PPP2CB: variants seen among roughly 807,000 people sequenced by gnomAD.
PPP2CB encodes the protein protein phosphatase 2 catalytic subunit beta.
A neutral mutation model predicts 39.1 loss-of-function variants in PPP2CB; 18 were observed. The observed-to-expected ratio is 0.46, with a 90% CI of 0.32 to 0.68. PPP2CB has a LOEUF of 0.68. Ranked by LOEUF, PPP2CB falls within the 30% of genes least tolerant of loss-of-function variation. The probability of loss-of-function intolerance (pLI) is 0.04; values close to 1 mark genes in which losing one functional copy is unlikely to be tolerated. For missense variants in PPP2CB, 226 were observed against 396.9 expected (o/e 0.57, Z 3.66); for synonymous variants, 129 against 133.8 (o/e 0.96, Z 0.25).
Position 30,799,588 on chromosome 8 carries a change from T to C in PPP2CB, c.270A>G (p.Gly90=). Residue 90 remains glycine (G), a synonymous_variant, in exon 2 of 7, where the codon GGA becomes GGG. Coordinates refer to ENST00000221138, the MANE Select transcript of PPP2CB (RefSeq NM_001009552.2). ...GAGTCACAGTCTCCACTGAATAATA[T>C]CCTCTGTCTACATAGTCACCCATGA... ...YLFMGDYVDR[G]YYSVETVTLL... is the part of the protein sequence containing the mutation. 1 of 1,613,908 alleles carries C rather than the reference T, an allele frequency of 6.2e-7. No individual in the cohort carries two copies. Among genetic ancestry groups the C allele is most frequent in the Non-Finnish European group, 8.5e-7 (1 of 1,179,842 alleles).
At chr8:30,806,829 T>C (rs779877394) in intron 1 of PPP2CB, among the ~76,000 whole-genome samples, 5 of 152,220 alleles carry the variant, frequency 3.3e-5, no homozygotes, top group Admixed American at 1.3e-4. Context: ...AAATTTTACA[T>C]TGCAAATATC....
intron 6 of PPP2CB, among the ~76,000 whole-genome samples, chr8:30,790,694 G>A (rs1292923627): frequency 3.9e-5 from 6 of 152,184 alleles, no homozygotes; most frequent in Non-Finnish European, 8.8e-5. Context: ...AGGGAAGGGG[G>A]CCTCAGCCTG....
intron 5 of PPP2CB, among the ~76,000 whole-genome samples, chr8:30,792,343 C>T (rs1220630564): frequency 2.0e-5 from 3 of 152,034 alleles, no homozygotes; most frequent in African/African-American, 4.8e-5. Flanking sequence ...GCACGAGCCA[C>T]CACGCCAGCT....
intron 5 of PPP2CB, among the ~76,000 whole-genome samples, chr8:30,792,481 T>C (rs183342585): frequency 5.9e-5 from 9 of 152,254 alleles, no homozygotes; most frequent in African/African-American, 1.2e-4. Context: ...TCTCACCCTT[T>C]TGCCCAGGCT....
chr8:30,807,977 A>G (rs562997584), intron 1 of PPP2CB, among the ~76,000 whole-genome samples: 70 of 152,148 alleles, frequency 4.6e-4, no homozygotes, highest in Non-Finnish European at 8.8e-4. Flanking sequence ...GACACACCAT[A>G]CCATTCATAC....
intron 1 of PPP2CB, among the ~76,000 whole-genome samples, chr8:30,801,530 T>C (rs1806627316): frequency 1.6e-5 from 2 of 122,278 alleles, no homozygotes; most frequent in East Asian, 2.1e-4. Flanking sequence ...CAAAACTCAG[T>C]CACAGAAAAA....
At chr8:30,797,109 A>G (rs1304197348) in intron 3 of PPP2CB, among the ~76,000 whole-genome samples, 1 of 152,058 alleles carries the variant, frequency 6.6e-6, no homozygotes, top group African/African-American at 2.4e-5. Flanking sequence ...TTGGCCTCCC[A>G]AAGTACTAGC....
intron 1 of PPP2CB, among the ~76,000 whole-genome samples, chr8:30,800,341 T>C (rs542347680): frequency 5.4e-4 from 83 of 152,298 alleles, no homozygotes; most frequent in Middle Eastern, 3.4e-3. Flanking sequence ...AATAGGCAAA[T>C]CTTCAAGGCA....
intron 6 of PPP2CB, among the ~76,000 whole-genome samples, chr8:30,787,846 G>A (rs1806369360): frequency 6.7e-6 from 1 of 148,566 alleles, no homozygotes; most frequent in South Asian, 2.1e-4. Context: ...GGATTTATAG[G>A]TGTGAGCCAC....
In PPP2CB at chr8:30,795,572, C is replaced by T. The variant is rs182431283; in HGVS notation, c.487-1291G>A. Among the ~76,000 whole-genome samples the T allele has an allele frequency of 7.2e-4, 109 of 152,112 alleles. 1 individual carries two copies. The highest frequency in any genetic ancestry group is 6.4e-3 in the South Asian group (31 of 4,826). On this transcript the variant is annotated intron_variant, in intron 3 of 6. Transcript: ENST00000221138. Reference sequence around the variant, plus strand: ...TGATTTTATTTTTCTGTGCGTGCCACGTCTGGTTTGGCATTGAGGTTATAC... The same window carrying T: ...TGATTTTATTTTTCTGTGCGTGCCATGTCTGGTTTGGCATTGAGGTTATAC...
intron 3 of PPP2CB, among the ~76,000 whole-genome samples, chr8:30,795,856 T>C (rs1272126513): frequency 2.0e-5 from 3 of 152,228 alleles, no homozygotes; most frequent in Admixed American, 6.5e-5. Flanking sequence ...AGCTCCTGCA[T>C]AGTTATAATT....
At chr8:30,801,748 G>C (rs1477610443) in intron 1 of PPP2CB, among the ~76,000 whole-genome samples, 1 of 152,052 alleles carries the variant, frequency 6.6e-6, no homozygotes, top group Non-Finnish European at 1.5e-5. Context: ...CACTAGTTGA[G>C]GGATACTCAA....
At chr8:30,806,216 T>C (rs1429834028) in intron 1 of PPP2CB, among the ~76,000 whole-genome samples, 1 of 145,902 alleles carries the variant, frequency 6.9e-6, no homozygotes, top group Admixed American at 7.3e-5. Flanking sequence ...CCTGGCTGAT[T>C]TTTTTTTTTT....
At chr8:30,795,110 CTGATTT>C (rs1165369407) in intron 3 of PPP2CB, among the ~76,000 whole-genome samples, 5 of 147,028 alleles carry the variant, frequency 3.4e-5, no homozygotes, top group African/African-American at 1.2e-4. Flanking sequence ...CATTTTCTTT[CTGATTT>C]TGATTTTTTT....
chr8:30,797,913 C>T (rs1421407640), intron 2 of PPP2CB, among the ~76,000 whole-genome samples, 159 bp from the exon 3 acceptor site: 1 of 152,150 alleles, frequency 6.6e-6, no homozygotes, highest in African/African-American at 2.4e-5. Context: ...TTATTCATAA[C>T]CAGGTCTTAC....
Position 30,795,178 on chromosome 8 carries a change from T to G in PPP2CB, c.487-897A>C, listed in dbSNP as rs1353133083. On this transcript the variant is annotated intron_variant, in intron 3 of 6. Coordinates refer to ENST00000221138, the MANE Select transcript of PPP2CB (RefSeq NM_001009552.2). Reference sequence around the variant, plus strand: ...GCTCTTGTTGCCCAGTGCAATGGCGTGATCTCGGCTCACCGCAACCTCCGC... The same window carrying G: ...GCTCTTGTTGCCCAGTGCAATGGCGGGATCTCGGCTCACCGCAACCTCCGC... Among the ~76,000 whole-genome samples, 5 of 150,688 alleles carry G rather than the reference T, an allele frequency of 3.3e-5. No homozygotes were observed. The East Asian group carries it at 5.9e-4, about 18-fold the overall frequency.
intron 1 of PPP2CB, among the ~76,000 whole-genome samples, chr8:30,811,866 AT>A (rs1447562848): frequency 6.6e-6 from 1 of 152,134 alleles, no homozygotes; most frequent in Non-Finnish European, 1.5e-5. Context: ...TAACAAGTTC[AT>A]TAATACGCAC....
In PPP2CB at chr8:30,785,850, G is replaced by T; in HGVS notation, c.*385C>A. On this transcript the variant is annotated 3_prime_UTR_variant, in exon 7 of 7. Transcript: ENST00000221138. ...AATGGATTAGTGGAAGTTAGCTTGT[G>T]AATTTTTCTTAAAAATAAAACTCCA... is the stretch of plus-strand genomic sequence containing the variant. 3.1e-6 allele frequency: 1 copy of T among 321,756 alleles called. No homozygotes were observed. Among genetic ancestry groups the T allele is most frequent in the South Asian group, 2.6e-5 (1 of 38,600 alleles). 19.9% of individuals were successfully genotyped at this position (321,756 alleles called of 1,614,324 possible).
At position 30,785,724 on chromosome 8, in the gene PPP2CB, T is replaced by G. The variant is rs1329471812; in HGVS notation, c.*511A>C. The G allele has an allele frequency of 7.9e-6, 2 of 251,610 alleles. No individual in the cohort carries two copies. The highest frequency in any genetic ancestry group is 4.6e-5 in the African/African-American group (2 of 43,472). The allele number at this position is 251,610 out of a possible 1,614,324, so 15.6% of individuals were successfully genotyped here. On this transcript the variant is annotated 3_prime_UTR_variant, in exon 7 of 7. Transcript: ENST00000221138. ...AGATCAACATAAAACAGTAATTTAGTTTAAATGAAGGGAAATCTCTTTAAA... is the reference window on the plus strand; with the variant it reads ...AGATCAACATAAAACAGTAATTTAGGTTAAATGAAGGGAAATCTCTTTAAA...
Sources: allele counts gnomAD v4.1 joint callset (sites outside exome capture counted in the v4.1 genomes callset), GRCh38; gene constraint gnomAD v4.1.1; transcripts MANE v1.5; gene names NCBI Gene and HGNC (gene_info 2026-07-23, HGNC 2026-07-21).